The following FIP1L1 variants were observed in gnomAD, a reference collection of about 807,000 sequenced individuals.
FIP1L1 encodes factor interacting with PAPOLA and CPSF1.
FIP1L1 carries 21 observed loss-of-function variants against 84.6 expected under a neutral mutation model. That is an observed-to-expected ratio of 0.25 (90% CI 0.18 to 0.36). The LOEUF (loss-of-function observed/expected upper bound fraction) is 0.36, where lower values mean the gene tolerates loss of function less well. Among genes scored for constraint, FIP1L1 ranks in the 10% least tolerant of loss-of-function variants. The pLI is 1.00. For synonymous variants in FIP1L1, 263 were observed against 242.3 expected (o/e 1.09, Z -0.80); for missense variants, 526 against 751.1 (o/e 0.70, Z 3.50).
intron 13 of FIP1L1, among the ~76,000 whole-genome samples, chr4:53,440,097 C>T (rs17082778): frequency 6.6e-6 from 1 of 151,928 alleles, no homozygotes; most frequent in Non-Finnish European, 1.5e-5. Flanking sequence ...GCCAACAATA[C>T]TAGAACAGTC....
rs1407310896 is a variant in FIP1L1 at position 53,405,717 on chromosome 4, C to T, written c.815+5878C>T. 1.9e-3 allele frequency among the ~76,000 whole-genome samples: 279 copies of T among 148,720 alleles called. 1 individual carries two copies. The highest frequency in any genetic ancestry group is 3.4e-3 in the Non-Finnish European group (229 of 67,070). On this transcript the variant is annotated intron_variant, in intron 10 of 17. Transcript: ENST00000337488. ...GGTTTGTAGTTCTCCTTGAAGAGGTCCTTCACATCCCTTGTAAGTTGGATT... is the reference window on the plus strand; with the variant it reads ...GGTTTGTAGTTCTCCTTGAAGAGGTTCTTCACATCCCTTGTAAGTTGGATT...
At chr4:53,388,488 C>T (rs1409193863) in intron 5 of FIP1L1, among the ~76,000 whole-genome samples, 2 of 152,162 alleles carry the variant, frequency 1.3e-5, no homozygotes, top group African/African-American at 4.8e-5. Context: ...GCGCCCACCC[C>T]CATGCCTGGC....
intron 13 of FIP1L1, among the ~76,000 whole-genome samples, chr4:53,441,445 A>T (rs1223351940): frequency 1.3e-5 from 2 of 151,968 alleles, no homozygotes; most frequent in Non-Finnish European, 2.9e-5. Flanking sequence ...AAGTCAAAGG[A>T]ATCATTTGTG....
rs1192864136 is a variant in FIP1L1 at position 53,442,717 on chromosome 4, T to C, written c.1229+10T>C. 1.3e-6 allele frequency: 2 copies of C among 1,555,098 alleles called. No individual in the cohort carries two copies. The highest frequency in any genetic ancestry group is 1.7e-5 in the Admixed American group (1 of 58,862). On this transcript the variant is annotated intron_variant, in intron 14 of 17. Transcript: ENST00000337488. ...TACCAACAATAGAAAGGTAAATCAG[T>C]ATGGATACTGATTTTTGATCATTGA... is the stretch of plus-strand genomic sequence containing the variant.
chr4:53,421,449 TC>T (rs759673356), intron 11 of FIP1L1, among the ~76,000 whole-genome samples: 1 of 152,202 alleles, frequency 6.6e-6, no homozygotes, highest in Non-Finnish European at 1.5e-5. Context: ...TGTTCTATCT[TC>T]CCATCCTACA....
At position 53,449,772 on chromosome 4, in the gene FIP1L1, T is replaced by TTA. The variant is rs548236780; in HGVS notation, c.1286-3147_1286-3146dup. 5.2e-4 allele frequency among the ~76,000 whole-genome samples: 79 copies of TTA among 152,348 alleles called. 1 individual carries two copies. The highest frequency in any genetic ancestry group is 2.5e-3 in the Admixed American group (39 of 15,308). ...ATTTTAAATTACTGATTTAATGTCTTTAATAGTTATTAGACTCTTCAAGAT... is the reference window on the plus strand; with the variant it reads ...ATTTTAAATTACTGATTTAATGTCTTTATAATAGTTATTAGACTCTTCAAGAT... On this transcript the variant is annotated intron_variant, in intron 15 of 17. Transcript: ENST00000337488.
At chr4:53,381,753 C>CTGTTTTTTTTTTTTT in intron 3 of FIP1L1, among the ~76,000 whole-genome samples, 1 of 87,940 alleles carries the variant, frequency 1.1e-5, no homozygotes, top group Non-Finnish European at 2.0e-5. Flanking sequence ...CATTTGCATT[C>CTGTTTTTTTTTTTTT]TTTTTTTTTT....
intron 9 of FIP1L1, among the ~76,000 whole-genome samples, chr4:53,392,410 G>A (rs924437476): frequency 1.3e-5 from 2 of 152,220 alleles, no homozygotes; most frequent in African/African-American, 4.8e-5. Flanking sequence ...ACTGTACACA[G>A]TTCTATATAG....
chr4:53,389,947 T>G, intron 6 of FIP1L1, 74 bp downstream of exon 6: 2 of 1,168,732 alleles, frequency 1.7e-6, no homozygotes, highest in Non-Finnish European at 2.5e-6. Context: ...ATAGCTTTTT[T>G]TTTTAGTCGG....
At chr4:53,386,256 A>T (rs1181838568) in intron 5 of FIP1L1, among the ~76,000 whole-genome samples, 1 of 152,202 alleles carries the variant, frequency 6.6e-6, no homozygotes, top group Non-Finnish European at 1.5e-5. Flanking sequence ...ATGTGCCTTT[A>T]TCAAACCATC....
chr4:53,416,734 G>T (rs1759670339), intron 11 of FIP1L1, among the ~76,000 whole-genome samples: 1 of 152,152 alleles, frequency 6.6e-6, no homozygotes, highest in African/African-American at 2.4e-5. Context: ...GGAGACCGAG[G>T]CAGGTGGATA....
At chr4:53,450,380 G>A (rs540050053) in intron 15 of FIP1L1, among the ~76,000 whole-genome samples, 5 of 152,250 alleles carry the variant, frequency 3.3e-5, no homozygotes, top group African/African-American at 1.2e-4. Flanking sequence ...TTGCGTGGTG[G>A]TCAGAGAACA....
chr4:53,388,164 T>C (rs1742118109), intron 5 of FIP1L1, among the ~76,000 whole-genome samples: 1 of 152,208 alleles, frequency 6.6e-6, no homozygotes, highest in African/African-American at 2.4e-5. Flanking sequence ...TAACTAAACC[T>C]AAGTCTTAAA....
chr4:53,440,756 C>A, intron 13 of FIP1L1: 1 of 648,264 alleles, frequency 1.5e-6, no homozygotes, highest in Non-Finnish European at 2.8e-6. Flanking sequence ...GCCTTTGCTT[C>A]ATTCCAGTTT....
chr4:53,384,758 T>G (rs1233546185), intron 5 of FIP1L1, among the ~76,000 whole-genome samples: 3 of 152,236 alleles, frequency 2.0e-5, no homozygotes, highest in African/African-American at 7.2e-5. Context: ...TGTGATTTAG[T>G]TACGATAGGA....
intron 13 of FIP1L1, among the ~76,000 whole-genome samples, chr4:53,438,498 A>G (rs761726054): frequency 2.0e-5 from 3 of 152,218 alleles, no homozygotes; most frequent in Non-Finnish European, 4.4e-5. Context: ...ATTTACTTAT[A>G]AAGATTTGCA....
At chr4:53,430,395 C>A (rs1228270702) in intron 13 of FIP1L1, among the ~76,000 whole-genome samples, 9 of 129,376 alleles carry the variant, frequency 7.0e-5, no homozygotes, top group Non-Finnish European at 9.2e-5. Flanking sequence ...TTCGCCCAGG[C>A]TGGAGTGCAG....
At chr4:53,452,433 C>G (rs1174845507) in intron 15 of FIP1L1, among the ~76,000 whole-genome samples, 1 of 152,030 alleles carries the variant, frequency 6.6e-6, no homozygotes, top group Non-Finnish European at 1.5e-5. Flanking sequence ...ATTCTCCTGC[C>G]TTAGCCTCCC....
At chr4:53,379,026 T>C (rs1467956054) in intron 1 of FIP1L1, 47 bp from the exon 2 acceptor site, 22 of 1,572,146 alleles carry the variant, frequency 1.4e-5, no homozygotes, top group Middle Eastern at 1.7e-4. Context: ...AAAATAAGTA[T>C]CTTGTTAAGT....
Sources: allele counts gnomAD v4.1 joint callset (sites outside exome capture counted in the v4.1 genomes callset), GRCh38; gene constraint gnomAD v4.1.1; transcripts MANE v1.5; gene names NCBI Gene and HGNC (gene_info 2026-07-23, HGNC 2026-07-21).